NHSL1: variants seen among roughly 807,000 people sequenced by gnomAD.
NHSL1 encodes NHS-like protein 1.
In NHSL1, 48 loss-of-function variants were observed where a neutral mutation model predicts 95.0. The observed-to-expected ratio is 0.51, with a 90% CI of 0.40 to 0.64. The LOEUF is 0.64. Ranked by LOEUF, NHSL1 falls within the 30% of genes least tolerant of loss-of-function variation. The pLI is 0.00. For missense variants in NHSL1, 1,971 were observed against 2,077.7 expected (o/e 0.95, Z 1.00); for synonymous variants, 783 against 833.9 (o/e 0.94, Z 1.05).
At chr6:138,597,787 T>C (rs1784320847) in intron 1 of NHSL1, among the ~76,000 whole-genome samples, 1 of 152,228 alleles carries the variant, frequency 6.6e-6, no homozygotes, top group African/African-American at 2.4e-5. Context: ...TAGGACATTA[T>C]ATTGACTTTT....
At chr6:138,474,276 G>C (rs1482700199) in intron 2 of NHSL1, among the ~76,000 whole-genome samples, 1 of 152,170 alleles carries the variant, frequency 6.6e-6, no homozygotes, top group East Asian at 1.9e-4. Flanking sequence ...CTTTCTAAAG[G>C]AGCACAAAAC....
chr6:138,650,284 G>A, intron 1 of NHSL1: 2 of 678,150 alleles, frequency 2.9e-6, no homozygotes, highest in East Asian at 6.7e-5. Context: ...CCTTGGAAGA[G>A]CTGGCCCTAC....
chr6:138,539,005 G>A (rs189408288), intron 1 of NHSL1, among the ~76,000 whole-genome samples: 1 of 152,004 alleles, frequency 6.6e-6, no homozygotes. Flanking sequence ...TGGATCTCAG[G>A]GTTAACCACA....
intron 1 of NHSL1, among the ~76,000 whole-genome samples, chr6:138,621,373 A>T (rs1259660454): frequency 2.6e-5 from 4 of 152,204 alleles, no homozygotes; most frequent in Non-Finnish European, 4.4e-5. Context: ...CAACACAAAG[A>T]TCTCCATTAT....
At chr6:138,658,843 G>A (rs949238260) in intron 1 of NHSL1, among the ~76,000 whole-genome samples, 19 of 152,230 alleles carry the variant, frequency 1.2e-4, no homozygotes, top group Middle Eastern at 6.8e-3. Flanking sequence ...TAGTAGGAAG[G>A]AGATGGACTT....
chr6:138,534,373 G>A (rs1055112807), intron 1 of NHSL1, among the ~76,000 whole-genome samples: 33 of 152,270 alleles, frequency 2.2e-4, no homozygotes, highest in African/African-American at 7.7e-4. Flanking sequence ...AGAGGGTTCA[G>A]GTCCCATAGA....
chr6:138,507,833 G>A (rs1781035731), intron 1 of NHSL1, among the ~76,000 whole-genome samples: 2 of 152,196 alleles, frequency 1.3e-5, no homozygotes, highest in South Asian at 4.1e-4. Context: ...AAGACAAATG[G>A]AAATCTCTCT....
intron 1 of NHSL1, among the ~76,000 whole-genome samples, chr6:138,665,434 T>C (rs964780445): frequency 1.3e-5 from 2 of 152,238 alleles, no homozygotes; most frequent in African/African-American, 4.8e-5. Context: ...ACAACTTCTG[T>C]GGTCGGTCTC....
At chr6:138,646,820 C>T (rs1199816024) in intron 1 of NHSL1, among the ~76,000 whole-genome samples, 1 of 152,170 alleles carries the variant, frequency 6.6e-6, no homozygotes, top group Non-Finnish European at 1.5e-5. Flanking sequence ...GGTAAGAAAA[C>T]ATTTCTCTAC....
At chr6:138,648,855 T>A (rs143586701) in intron 1 of NHSL1, among the ~76,000 whole-genome samples, 3 of 152,244 alleles carry the variant, frequency 2.0e-5, no homozygotes, top group African/African-American at 7.2e-5. Flanking sequence ...GGGAAAATAT[T>A]TGAAAGCAAG....
intron 1 of NHSL1, among the ~76,000 whole-genome samples, chr6:138,535,396 T>C (rs1782299258): frequency 6.6e-6 from 1 of 151,774 alleles, no homozygotes; most frequent in Non-Finnish European, 1.5e-5. Flanking sequence ...AAACCCCACC[T>C]CGACAAAAAT....
Position 138,616,512 on chromosome 6 carries a change from C to G in NHSL1, c.96+75964G>C, listed in dbSNP as rs146703739. Among the ~76,000 whole-genome samples, 760 of 151,700 alleles carry G rather than the reference C, an allele frequency of 5.0e-3. 4 individuals are homozygous for G. The highest frequency in any genetic ancestry group is 7.3e-3 in the Non-Finnish European group (498 of 67,916). Reference sequence around the variant, plus strand: ...GGGGGAGGAAGAGAGGAAGAGGGAACAAGGGGGCAGGCAGAGACAGAGAGA... The same window carrying G: ...GGGGGAGGAAGAGAGGAAGAGGGAAGAAGGGGGCAGGCAGAGACAGAGAGA... On this transcript the variant is annotated intron_variant, in intron 1 of 3. Coordinates refer to the NHSL1 transcript ENST00000491526.
intron 1 of NHSL1, among the ~76,000 whole-genome samples, chr6:138,624,985 A>AGT (rs1035752190): frequency 7.9e-5 from 12 of 152,190 alleles, no homozygotes; most frequent in African/African-American, 1.2e-4. Context: ...TACAAAATAT[A>AGT]GTGTGTGTGT....
At chr6:138,681,813 G>A (rs1785515680) in intron 1 of NHSL1, among the ~76,000 whole-genome samples, 1 of 151,932 alleles carries the variant, frequency 6.6e-6, no homozygotes, top group South Asian at 2.1e-4. Flanking sequence ...ATGTGTTATT[G>A]TAATTTAAAT....
intron 3 of NHSL1, 77 bp from the exon 4 acceptor site, chr6:138,447,270 T>TA (rs773199720): frequency 1.5e-4 from 186 of 1,274,984 alleles, no homozygotes; most frequent in Middle Eastern, 2.8e-4. Flanking sequence ...TTCTTATTTT[T>TA]AAAAAAATTG....
chr6:138,455,997 T>C (rs953646784), intron 3 of NHSL1, among the ~76,000 whole-genome samples: 13 of 152,212 alleles, frequency 8.5e-5, no homozygotes, highest in African/African-American at 3.1e-4. Flanking sequence ...ACAATACTTA[T>C]CATCATCATC....
intron 1 of NHSL1, among the ~76,000 whole-genome samples, chr6:138,679,528 C>T (rs1016712169): frequency 3.0e-4 from 45 of 152,144 alleles, no homozygotes; most frequent in African/African-American, 1.0e-3. Flanking sequence ...ATTAATACTA[C>T]AGTAATTGAT....
intron 1 of NHSL1, among the ~76,000 whole-genome samples, chr6:138,540,821 A>T (rs2128323650): frequency 6.6e-6 from 1 of 152,350 alleles, no homozygotes; most frequent in East Asian, 1.9e-4. Context: ...CAGCTGGGAC[A>T]CACCCAATTC....
chr6:138,532,088 T>C (rs952069811), intron 1 of NHSL1, among the ~76,000 whole-genome samples: 7 of 152,210 alleles, frequency 4.6e-5, no homozygotes, highest in African/African-American at 1.7e-4. Context: ...ACATCTGAAC[T>C]GAATCCTGTA....
Sources: allele counts gnomAD v4.1 joint callset (sites outside exome capture counted in the v4.1 genomes callset), GRCh38; gene constraint gnomAD v4.1.1; transcripts MANE v1.5; gene names NCBI Gene and HGNC (gene_info 2026-07-23, HGNC 2026-07-21).